The following BAIAP2 variants were observed in gnomAD, a reference collection of about 807,000 sequenced individuals.
BAIAP2 encodes the protein BAR/IMD domain containing adaptor protein 2.
A neutral mutation model predicts 63.0 loss-of-function variants in BAIAP2; 18 were observed. The observed-to-expected ratio is 0.29, with a 90% confidence interval of 0.20 to 0.42. The LOEUF (loss-of-function observed/expected upper bound fraction) is 0.42, where lower values mean the gene tolerates loss of function less well. Among genes scored for constraint, BAIAP2 ranks in the 10% least tolerant of loss-of-function variants. The pLI, the probability that BAIAP2 is intolerant of heterozygous loss-of-function variation, is 1.00. For synonymous variants in BAIAP2, 386 were observed against 307.6 expected (o/e 1.25, Z -2.67); for missense variants, 610 against 734.3 (o/e 0.83, Z 1.96).
chr17:81,087,324 TC>T (rs1486874773), intron 6 of BAIAP2, among the ~76,000 whole-genome samples: 1 of 152,174 alleles, frequency 6.6e-6, no homozygotes, highest in Non-Finnish European at 1.5e-5. Flanking sequence ...GCCGCACCCT[TC>T]CTGCTGGCAG....
intron 3 of BAIAP2, among the ~76,000 whole-genome samples, chr17:81,071,575 C>T (rs997340295): frequency 7.2e-5 from 11 of 152,222 alleles, no homozygotes; most frequent in South Asian, 2.1e-4. Flanking sequence ...CCAGTGCCTC[C>T]GGAAGCAACA....
intron 3 of BAIAP2, among the ~76,000 whole-genome samples, chr17:81,065,287 A>G (rs1568102770): frequency 1.3e-5 from 2 of 152,198 alleles, no homozygotes; most frequent in African/African-American, 4.8e-5. Flanking sequence ...TGGTCACAGA[A>G]GCAGTGCTGT....
intron 13 of BAIAP2, chr17:81,109,372 TAAAAAAAAAAAAA>T (rs747875777): frequency 1.7e-5 from 15 of 890,622 alleles, no homozygotes; most frequent in East Asian, 1.3e-4. Context: ...AGAAAAATCT[TAAAAAAAAAAAAA>T]AAAAAAAAAA....
chr17:81,081,968 C>T (rs1385838185), intron 3 of BAIAP2, among the ~76,000 whole-genome samples: 1 of 152,096 alleles, frequency 6.6e-6, no homozygotes, highest in East Asian at 1.9e-4. Flanking sequence ...GGCTGGCATC[C>T]GTGGAGGTAC....
chr17:81,094,433 G>T (rs149442303), intron 6 of BAIAP2, among the ~76,000 whole-genome samples: 532 of 152,304 alleles, frequency 3.5e-3, no homozygotes, highest in Non-Finnish European at 6.1e-3. Flanking sequence ...GACCGTCAGG[G>T]CTCATGGATC....
intron 1 of BAIAP2, among the ~76,000 whole-genome samples, chr17:81,053,006 G>C (rs1366705147): frequency 1.3e-5 from 2 of 152,206 alleles, no homozygotes; most frequent in Non-Finnish European, 2.9e-5. Flanking sequence ...ATTCTCATTT[G>C]GCTGTTGTTT....
chr17:81,049,729 C>T (rs1439171881), intron 1 of BAIAP2, among the ~76,000 whole-genome samples: 1 of 152,252 alleles, frequency 6.6e-6, no homozygotes, highest in African/African-American at 2.4e-5. Flanking sequence ...CTGGAGCTGC[C>T]TGTCACTGGC....
intron 6 of BAIAP2, chr17:81,086,785 C>T: frequency 1.7e-6 from 1 of 585,704 alleles, no homozygotes; most frequent in East Asian, 2.9e-5. Context: ...GGGGCTCTGT[C>T]CTGCTCTTGC....
At chr17:81,051,263 C>T (rs9914904) in intron 1 of BAIAP2, among the ~76,000 whole-genome samples, 10,771 of 152,218 alleles carry the variant, frequency 0.071, 599 homozygotes, top group East Asian at 0.31. Flanking sequence ...CAGAGGCCTG[C>T]GTAGCACATG....
At chr17:81,056,990 T>C (rs569339816) in intron 2 of BAIAP2, among the ~76,000 whole-genome samples, 2 of 152,394 alleles carry the variant, frequency 1.3e-5, no homozygotes, top group South Asian at 4.1e-4. Flanking sequence ...TTCATTCCTC[T>C]GTGGACGTGG....
In BAIAP2 at chr17:81,085,843, T is replaced by C. The variant is rs563727126; in HGVS notation, c.351+118T>C. ...CACTTCCCCGAGCTCCCCGTCCACA[T>C]GGGCCCCAGCTCTGACTTTATTGTC... On this transcript the variant is annotated intron_variant, in intron 5 of 13. Transcript: ENST00000428708. 6.5e-6 allele frequency: 5 copies of C among 763,922 alleles called. No individual in the cohort carries two copies. In the East Asian group the frequency reaches 1.3e-4, roughly 20 times the overall value. The allele number at this position is 763,922 out of a possible 1,614,324, so 47.3% of individuals were successfully genotyped here.
At chr17:81,088,018 G>A (rs2056010068) in intron 6 of BAIAP2, among the ~76,000 whole-genome samples, 1 of 152,116 alleles carries the variant, frequency 6.6e-6, no homozygotes, top group Non-Finnish European at 1.5e-5. Flanking sequence ...CAGTGGGCAT[G>A]GGGAGTTGAG....
intron 3 of BAIAP2, among the ~76,000 whole-genome samples, chr17:81,061,418 G>T (rs1482676990): frequency 1.3e-5 from 2 of 152,192 alleles, no homozygotes; most frequent in East Asian, 3.9e-4. Flanking sequence ...GTCTCTCGAA[G>T]AGTCCTCGGG....
At chr17:81,080,441 C>T (rs368790171) in intron 3 of BAIAP2, among the ~76,000 whole-genome samples, 13 of 152,384 alleles carry the variant, frequency 8.5e-5, no homozygotes, top group East Asian at 7.7e-4. Flanking sequence ...TGTGCGCCAG[C>T]CGCACATTGT....
intron 3 of BAIAP2, among the ~76,000 whole-genome samples, chr17:81,064,043 C>T (rs1465517833): frequency 6.6e-6 from 1 of 152,260 alleles, no homozygotes; most frequent in African/African-American, 2.4e-5. Flanking sequence ...CCTGTCCTCT[C>T]TCTGCTGGCC....
At chr17:81,044,275 C>A (rs940702850) in intron 1 of BAIAP2, among the ~76,000 whole-genome samples, 34 of 152,234 alleles carry the variant, frequency 2.2e-4, no homozygotes, top group African/African-American at 8.2e-4. Flanking sequence ...GCAGCGGCCT[C>A]GGGGATTCTT....
chr17:81,045,130 G>T (rs567203427), intron 1 of BAIAP2, among the ~76,000 whole-genome samples: 1 of 152,230 alleles, frequency 6.6e-6, no homozygotes. Context: ...AAGGCCCCAC[G>T]TGTGGCTTTT....
chr17:81,065,656 C>T (rs1442326867), intron 3 of BAIAP2, among the ~76,000 whole-genome samples: 1 of 152,214 alleles, frequency 6.6e-6, no homozygotes, highest in Non-Finnish European at 1.5e-5. Flanking sequence ...CCCTCTCGCT[C>T]CCCCACCCGA....
At chr17:81,047,811 G>A (rs1224019640) in intron 1 of BAIAP2, among the ~76,000 whole-genome samples, 4 of 152,128 alleles carry the variant, frequency 2.6e-5, no homozygotes, top group African/African-American at 7.2e-5. Context: ...ACACACAGGG[G>A]TCCACATGCA....
Sources: allele counts gnomAD v4.1 joint callset (sites outside exome capture counted in the v4.1 genomes callset), GRCh38; gene constraint gnomAD v4.1.1; transcripts MANE v1.5; gene names NCBI Gene and HGNC (gene_info 2026-07-23, HGNC 2026-07-21).